Variants in GPR132 observed in about 807,000 individuals in gnomAD.
The protein encoded by GPR132 is G protein-coupled receptor 132.
Under a neutral mutation model 1.9 loss-of-function variants are expected in GPR132, and 4 were observed. The ratio of observed to expected loss-of-function variants is 2.13; its 90% CI spans 1.05 to 4.87. GPR132 has a LOEUF of 4.87. Ranked by LOEUF, GPR132 falls within the 30% of genes most tolerant of loss-of-function variation. The pLI, the probability that GPR132 is intolerant of heterozygous loss-of-function variation, is 0.01. For synonymous variants in GPR132, 233 were observed against 234.2 expected, an observed-to-expected ratio of 0.99 and a Z score of 0.05; for missense variants, 404 against 512.5, an observed-to-expected ratio of 0.79 and a Z score of 2.04.
intron 3 of GPR132, chr14:105,054,156 G>A: frequency 7.8e-7 from 1 of 1,278,368 alleles, no homozygotes; most frequent in Non-Finnish European, 1.0e-6. Flanking sequence ...GACAGACCTG[G>A]CCTCAGCACC....
At position 105,056,654 on chromosome 14, in the gene GPR132, C is replaced by G. The variant is rs886246634; in HGVS notation, c.-746-488G>C. ...CCCGCACCCCCTGCTCCAGGCCTCA[C>G]GCAGCCTTGGGACCTTCACCTCTGG... On this transcript the variant is annotated intron_variant, in intron 2 of 3. Transcript: ENST00000329797. This position sits in a 1 kb window ranked among gnomAD's most constrained non-coding sequence, Gnocchi z 6.0. Among the ~76,000 whole-genome samples the G allele has an allele frequency of 6.6e-6, 1 of 152,228 alleles. No individual in the cohort carries two copies. Among genetic ancestry groups the G allele is most frequent in the Non-Finnish European group, 1.5e-5 (1 of 68,040 alleles).
chr14:105,056,131 C>G lies in GPR132; in HGVS notation c.-711G>C. On this transcript the variant is annotated 5_prime_UTR_variant, in exon 3 of 4. Coordinates refer to ENST00000329797, the MANE Select transcript of GPR132 (RefSeq NM_013345.4). This position sits in a 1 kb window ranked among gnomAD's most constrained non-coding sequence, Gnocchi z 6.0. Reference sequence around the variant, plus strand: ...GCCTCGCTGCGCTTGCTGGGTTTCTCCGGGTGAGTGTCGTGTCCCTTGCTC... The same window carrying G: ...GCCTCGCTGCGCTTGCTGGGTTTCTGCGGGTGAGTGTCGTGTCCCTTGCTC... 5 of 985,868 alleles carry G rather than the reference C, an allele frequency of 5.1e-6. No individual in the cohort carries two copies. Among genetic ancestry groups the G allele is most frequent in the Non-Finnish European group, 6.0e-6 (5 of 830,142 alleles). 61.1% of individuals were successfully genotyped at this position (985,868 alleles called of 1,614,324 possible).
At chr14:105,058,943 C>T (rs961638975) in intron 1 of GPR132, among the ~76,000 whole-genome samples, 2 of 152,244 alleles carry the variant, frequency 1.3e-5, no homozygotes. Context: ...CTGAGGGTCT[C>T]GCTCTGCTGT....
intron 1 of GPR132, among the ~76,000 whole-genome samples, 193 bp downstream of exon 1, chr14:105,065,186 G>C (rs759286530): frequency 6.6e-6 from 1 of 152,164 alleles, no homozygotes; most frequent in African/African-American, 2.4e-5. Flanking sequence ...TCACATCTGT[G>C]GTCACTGGGG....
chr14:105,065,144 G>A (rs1463619716), intron 1 of GPR132, among the ~76,000 whole-genome samples: 2 of 152,204 alleles, frequency 1.3e-5, no homozygotes, highest in Non-Finnish European at 2.9e-5. Flanking sequence ...AATGGAAACT[G>A]TTGTCCCTCT....
At chr14:105,058,824 C>T (rs1402918290) in intron 1 of GPR132, among the ~76,000 whole-genome samples, 1 of 152,242 alleles carries the variant, frequency 6.6e-6, no homozygotes, top group Non-Finnish European at 1.5e-5. Flanking sequence ...ACCTGAGGTG[C>T]CTCTAAAACA....
In GPR132 at chr14:105,051,320, T is replaced by A; in HGVS notation, c.817A>T (p.Arg273Ter). ...CCGCACATGGCGTTCCTGTCTCCTCTGTAGTAGGAAAAGGCAGCGGCTTTG... is the reference window on the plus strand; with the variant it reads ...CCGCACATGGCGTTCCTGTCTCCTCAGTAGTAGGAAAAGGCAGCGGCTTTG... ...LVKAAAFSYY[R>*]GDRNAMCGLE... Residue 273 changes from arginine to a stop codon, truncating the protein, a stop_gained, in exon 4 of 4, where the codon AGA (arginine) becomes TGA (stop). Transcript: ENST00000329797. LOFTEE classifies it low-confidence loss of function (END_TRUNC). The surrounding 1 kb of genome is among the most constrained non-coding windows in gnomAD (Gnocchi z 8.0). 6 of 1,613,954 alleles carry A rather than the reference T, an allele frequency of 3.7e-6. No individual in the cohort carries two copies. The highest frequency in any genetic ancestry group is 5.1e-6 in the Non-Finnish European group (6 of 1,179,832).
rs928138364 is a variant in GPR132 at position 105,050,016 on chromosome 14, T to A, written c.*978A>T. On this transcript the variant is annotated 3_prime_UTR_variant, in exon 4 of 4. Coordinates refer to ENST00000329797, the MANE Select transcript of GPR132 (RefSeq NM_013345.4). The surrounding 1 kb of genome is among the most constrained non-coding windows in gnomAD (Gnocchi z 4.0). ...GTGTCGGGGCAGGGAGGAGGATTGATCTCGATGGTGACCCAGTGAGGTAGG... is the reference window on the plus strand; with the variant it reads ...GTGTCGGGGCAGGGAGGAGGATTGAACTCGATGGTGACCCAGTGAGGTAGG... The A allele has an allele frequency of 6.6e-6, 1 of 152,394 alleles. No homozygotes were observed. The highest frequency in any genetic ancestry group is 1.5e-5 in the Non-Finnish European group (1 of 68,236). The allele number at this position is 152,394 out of a possible 1,614,324, so 9.4% of individuals were successfully genotyped here. A position where few individuals can be genotyped will look rare whatever the true frequency, so the allele number is the denominator to read the frequency against.
At position 105,055,963 on chromosome 14, in the gene GPR132, C is replaced by T; in HGVS notation, c.-543G>A. On this transcript the variant is annotated 5_prime_UTR_variant, in exon 3 of 4. Transcript: ENST00000329797. This position sits in a 1 kb window ranked among gnomAD's most constrained non-coding sequence, Gnocchi z 4.7. ...GCTGTTCACGTCCCTGCTTTCCGTT[C>T]TCCTGGGTCAGACCCACAGTTGGCA... The T allele has an allele frequency of 6.0e-6, 1 of 167,272 alleles. No individual in the cohort carries two copies. The highest frequency in any genetic ancestry group is 1.2e-5 in the Non-Finnish European group (1 of 81,534). 10.4% of individuals were successfully genotyped at this position (167,272 alleles called of 1,614,324 possible). A position where few individuals can be genotyped will look rare whatever the true frequency, so the allele number is the denominator to read the frequency against.
At chr14:105,063,377 C>CTT (rs758639569) in intron 1 of GPR132, among the ~76,000 whole-genome samples, 3 of 143,954 alleles carry the variant, frequency 2.1e-5, no homozygotes, top group Non-Finnish European at 4.6e-5. Context: ...TATTTTGTAA[C>CTT]TTTTTTTTTT....
chr14:105,063,413 T>TTA (rs1203826304), intron 1 of GPR132, among the ~76,000 whole-genome samples: 2 of 152,028 alleles, frequency 1.3e-5, no homozygotes, highest in Non-Finnish European at 2.9e-5. Context: ...TCTCTCTCGT[T>TTA]GCCCAGGCTG....
At position 105,051,053 on chromosome 14, in the gene GPR132, G is replaced by C; in HGVS notation, c.1084C>G (p.Pro362Ala). ...ALADHYTFSR[P>A]VHPPGSPCPA... is the part of the protein sequence containing the mutation. ...CATGGTGACCCTGGTGGGTGCACGGGCCTGGAGAAGGTGTAGTGGTCTGCA... is the reference window on the plus strand; with the variant it reads ...CATGGTGACCCTGGTGGGTGCACGGCCCTGGAGAAGGTGTAGTGGTCTGCA... Residue 362 changes from proline (P) to alanine (A), a missense_variant, in exon 4 of 4, where the codon CCC (proline) becomes GCC (alanine). Physicochemically the swap from Pro to Ala is conservative, Grantham distance 27. Transcript: ENST00000329797. This position sits in a 1 kb window ranked among gnomAD's most constrained non-coding sequence, Gnocchi z 8.0. The C allele has an allele frequency of 6.2e-7, 1 of 1,614,156 alleles. No homozygotes were observed. Among genetic ancestry groups the C allele is most frequent in the Non-Finnish European group, 8.5e-7 (1 of 1,180,010 alleles).
At position 105,050,963 on chromosome 14, in the gene GPR132, C is replaced by T; in HGVS notation, c.*31G>A. 1 of 1,595,778 alleles carries T rather than the reference C, an allele frequency of 6.3e-7. No individual in the cohort carries two copies. The highest frequency in any genetic ancestry group is 1.1e-5 in the South Asian group (1 of 90,054). On this transcript the variant is annotated 3_prime_UTR_variant, in exon 4 of 4. Transcript: ENST00000329797. The surrounding 1 kb of genome is among the most constrained non-coding windows in gnomAD (Gnocchi z 4.0). ...ACCACATTGCTGGCCCCAGGACCCCCAACCTGCCATCCCCCTGCCACACAG... is the reference window on the plus strand; with the variant it reads ...ACCACATTGCTGGCCCCAGGACCCCTAACCTGCCATCCCCCTGCCACACAG...
rs1242748758 is a variant in GPR132 at position 105,061,735 on chromosome 14, ACCCTCCTGGGGGGGGGGAGT to A, written c.-861+3624_-861+3643del. On this transcript the variant is annotated intron_variant, in intron 1 of 3. Coordinates refer to ENST00000329797, the MANE Select transcript of GPR132 (RefSeq NM_013345.4). ...TTGTTCCACTCAGGAAGCAGGCACC[ACCCTCCTGGGGGGGGGGAGT>A]CCCTCCTGGGCTGTGCATGGGGACC... Among the ~76,000 whole-genome samples the A allele has an allele frequency of 3.3e-5, 5 of 150,702 alleles. No individual in the cohort carries two copies. The East Asian group carries it at 7.9e-4, about 24-fold the overall frequency.
At position 105,051,014 on chromosome 14, in the gene GPR132, G is replaced by A; in HGVS notation, c.1123C>T (p.Leu375=). The A allele has an allele frequency of 6.2e-7, 1 of 1,612,966 alleles. No individual in the cohort carries two copies. The highest frequency in any genetic ancestry group is 8.5e-7 in the Non-Finnish European group (1 of 1,179,048). ...TGGGCTCAGCAGGACTCCTCAATCA[G>A]CCTCTTTGCAGGGCATGGTGACCCT... is the stretch of plus-strand genomic sequence containing the variant. The part of the protein sequence containing the change: ...PPGSPCPAKR[L]IEESC The change falls in exon 4 of 4, where the codon CTG becomes TTG. Residue 375 remains leucine (L), a synonymous_variant. Coordinates refer to ENST00000329797, the MANE Select transcript of GPR132 (RefSeq NM_013345.4). The surrounding 1 kb of genome is among the most constrained non-coding windows in gnomAD (Gnocchi z 8.0).
rs1886583943 is a variant in GPR132, at chr14:105,049,863, G to C, written c.*1131C>G. 6.6e-6 allele frequency: 1 copy of C among 152,366 alleles called. No homozygotes were observed. Among genetic ancestry groups the C allele is most frequent in the Admixed American group, 6.5e-5 (1 of 15,290 alleles). The allele number at this position is 152,366 out of a possible 1,614,324, so 9.4% of individuals were successfully genotyped here. A position where few individuals can be genotyped will look rare whatever the true frequency, so the allele number is the denominator to read the frequency against. On this transcript the variant is annotated 3_prime_UTR_variant, in exon 4 of 4. Transcript: ENST00000329797. ...TGCATAGCTGCCTGACAAAACGAGA[G>C]CGTGGCTCAGCCCCACGGCCCTGCG...
chr14:105,064,543 A>C (rs955605876), intron 1 of GPR132, among the ~76,000 whole-genome samples: 1 of 152,056 alleles, frequency 6.6e-6, no homozygotes, highest in African/African-American at 2.4e-5. Context: ...CATGTTGGTC[A>C]GGCTGGTCTC....
intron 1 of GPR132, among the ~76,000 whole-genome samples, chr14:105,061,054 G>C (rs373648059): frequency 6.6e-6 from 1 of 152,278 alleles, no homozygotes; most frequent in Non-Finnish European, 1.5e-5. Context: ...CCACGTGCCT[G>C]ACCTTTGGGC....
chr14:105,055,764 AATAT>A lies in GPR132; in HGVS notation c.-348_-345del. On this transcript the variant is annotated 5_prime_UTR_variant, in exon 3 of 4. An upstream open reading frame in the 5' UTR loses its in-frame stop. Transcript: ENST00000329797. The surrounding 1 kb of genome is among the most constrained non-coding windows in gnomAD (Gnocchi z 4.7). ...CCTCCAGGGTCTCGCCAAAAATATA[AATAT>A]ATATATATATTCCACTGTGCCCTTC... 6.4e-6 allele frequency: 2 copies of A among 311,132 alleles called. No homozygotes were observed. The highest frequency in any genetic ancestry group is 1.2e-5 in the Non-Finnish European group (2 of 167,570). The allele number at this position is 311,132 out of a possible 1,614,324, so 19.3% of individuals were successfully genotyped here.
Sources: allele counts gnomAD v4.1 joint callset (sites outside exome capture counted in the v4.1 genomes callset), GRCh38; gene constraint gnomAD v4.1.1; non-coding constraint Gnocchi (gnomAD v3.1); transcripts MANE v1.5; gene names NCBI Gene and HGNC (gene_info 2026-07-23, HGNC 2026-07-21).